The following PTP4A1 variants were observed in gnomAD, a reference collection of about 807,000 sequenced individuals.
The protein encoded by PTP4A1 is protein tyrosine phosphatase 4A1.
PTP4A1 carries 9 observed loss-of-function variants against 20.5 expected under a neutral mutation model. The observed-to-expected ratio is 0.44, with a 90% CI of 0.26 to 0.77. The LOEUF (loss-of-function observed/expected upper bound fraction) is 0.77. PTP4A1 is among the 30% of genes least tolerant of loss of function. The probability of loss-of-function intolerance (pLI) is 0.19; values close to 1 mark genes in which losing one functional copy is unlikely to be tolerated. For synonymous variants in PTP4A1, 78 were observed against 67.4 expected (o/e 1.16, Z -0.77); for missense variants, 137 against 218.8 (o/e 0.63, Z 2.36).
intron 2 of PTP4A1, chr6:63,549,494 CT>C: frequency 1.3e-6 from 1 of 776,558 alleles, no homozygotes; most frequent in Non-Finnish European, 2.2e-6. Context: ...CCTTGGCCTT[CT>C]TTCCTTTCGG....
intron 2 of PTP4A1, among the ~76,000 whole-genome samples, chr6:63,540,316 T>C (rs550162510): frequency 6.6e-6 from 1 of 152,238 alleles, no homozygotes; most frequent in South Asian, 2.1e-4. Flanking sequence ...CAGATGTGTA[T>C]AGAATCATAG....
upstream of PTP4A1, among the ~76,000 whole-genome samples, chr6:63,518,207 T>C (rs1315882295): frequency 6.6e-6 from 1 of 151,870 alleles, no homozygotes; most frequent in Non-Finnish European, 1.5e-5. Flanking sequence ...CCCTTTACTA[T>C]GGAAAATATT....
At chr6:63,528,662 G>A (rs944961304) in intron 2 of PTP4A1, among the ~76,000 whole-genome samples, 1 of 152,126 alleles carries the variant, frequency 6.6e-6, no homozygotes, top group Non-Finnish European at 1.5e-5. Flanking sequence ...TCAGGAGGCT[G>A]AAGTGGGAGG....
intron 2 of PTP4A1, among the ~76,000 whole-genome samples, chr6:63,535,041 C>T (rs886128082): frequency 2.1e-4 from 32 of 151,836 alleles, no homozygotes; most frequent in Middle Eastern, 3.2e-3. Flanking sequence ...GCCTGGGCAA[C>T]AAGAGTGAAA....
rs545527024 is a variant in PTP4A1 at position 63,557,032 on chromosome 6, T to A, written c.-446+6539T>A. The stretch of plus-strand genomic sequence containing the variant: ...AGCATGAAACAATTATAGCATGAAA[T>A]ATGCTAGTTTCTTATTAAATACTTA... On this transcript the variant is annotated intron_variant, in intron 3 of 3. Coordinates refer to the PTP4A1 transcript ENST00000639568. 1.1e-4 allele frequency among the ~76,000 whole-genome samples: 16 copies of A among 152,310 alleles called. No homozygotes were observed. In the South Asian group the frequency reaches 3.3e-3, roughly 32 times the overall value.
In PTP4A1 at chr6:63,581,132, T is replaced by G. The variant is rs773853267; in HGVS notation, c.*958T>G. ...GTGTGTTTACCAACTTATTTTTGTTTGAAAGTGTGATTTTTTTTTTCCTTC... is the reference window on the plus strand; with the variant it reads ...GTGTGTTTACCAACTTATTTTTGTTGGAAAGTGTGATTTTTTTTTTCCTTC... On this transcript the variant is annotated 3_prime_UTR_variant, in exon 6 of 6. Coordinates refer to ENST00000626021, the MANE Select transcript of PTP4A1 (RefSeq NM_003463.5). 2 of 152,306 alleles carry G rather than the reference T, an allele frequency of 1.3e-5. No individual in the cohort carries two copies. Among genetic ancestry groups the G allele is most frequent in the African/African-American group, 2.4e-5 (1 of 41,438 alleles). The allele number at this position is 152,306 out of a possible 1,614,324, so 9.4% of individuals were successfully genotyped here.
chr6:63,536,653 T>A (rs1775740626), intron 2 of PTP4A1, among the ~76,000 whole-genome samples: 1 of 152,232 alleles, frequency 6.6e-6, no homozygotes, highest in Admixed American at 6.5e-5. Context: ...TCGCGATAAC[T>A]GTGTTTTATC....
chr6:63,549,042 A>G (rs1479949291), intron 2 of PTP4A1: 5 of 725,198 alleles, frequency 6.9e-6, no homozygotes, highest in Non-Finnish European at 1.3e-5. Flanking sequence ...GTGTGCAATC[A>G]CCACCGGCTG....
At chr6:63,526,944 T>G (rs918994043) in intron 1 of PTP4A1, among the ~76,000 whole-genome samples, 1 of 151,784 alleles carries the variant, frequency 6.6e-6, no homozygotes, top group Non-Finnish European at 1.5e-5. Context: ...CATGATGTTA[T>G]GCACTTCTTC....
chr6:63,528,014 A>C (rs766480601), exon 2 of PTP4A1: 8 of 152,222 alleles, frequency 5.3e-5, no homozygotes, highest in Non-Finnish European at 1.2e-4. Flanking sequence ...CAGCTCTTGG[A>C]GGCTCTACAT....
At chr6:63,579,144 C>A in intron 4 of PTP4A1, 113 bp from the exon 5 acceptor site, 2 of 1,373,138 alleles carry the variant, frequency 1.5e-6, no homozygotes, top group Non-Finnish European at 2.0e-6. Context: ...ATAGGTATTA[C>A]TTAAATAGGA....
chr6:63,560,880 A>G (rs956854489), intron 3 of PTP4A1, among the ~76,000 whole-genome samples: 3 of 152,200 alleles, frequency 2.0e-5, no homozygotes, highest in Admixed American at 6.5e-5. Context: ...AGTCTGGGGA[A>G]CAACATCTCT....
At chr6:63,539,798 T>C (rs1775877090) in intron 2 of PTP4A1, among the ~76,000 whole-genome samples, 1 of 151,264 alleles carries the variant, frequency 6.6e-6, no homozygotes, top group Admixed American at 6.6e-5. Flanking sequence ...AGGATATGAA[T>C]AGGCAATCTT....
At chr6:63,545,391 C>A (rs1211821619) in intron 2 of PTP4A1, among the ~76,000 whole-genome samples, 1 of 152,124 alleles carries the variant, frequency 6.6e-6, no homozygotes, top group African/African-American at 2.4e-5. Context: ...AGATGGATCA[C>A]CTGAGGTCAG....
intron 1 of PTP4A1, among the ~76,000 whole-genome samples, chr6:63,576,001 A>G (rs1777838076): frequency 6.6e-6 from 1 of 151,768 alleles, no homozygotes; most frequent in Non-Finnish European, 1.5e-5. Flanking sequence ...TGTTTTTGTT[A>G]GTTGGAAAAA....
intron 2 of PTP4A1, among the ~76,000 whole-genome samples, chr6:63,547,308 G>C (rs1776234562): frequency 6.6e-6 from 1 of 150,670 alleles, no homozygotes; most frequent in Non-Finnish European, 1.5e-5. Context: ...TCCTGTCTCA[G>C]CCTCCCGAGT....
intron 2 of PTP4A1, among the ~76,000 whole-genome samples, chr6:63,577,213 A>G (rs1464180840): frequency 1.3e-5 from 2 of 152,164 alleles, no homozygotes; most frequent in Non-Finnish European, 2.9e-5. Context: ...TTGAATTGGT[A>G]TGTGGACAGT....
chr6:63,546,563 G>A (rs957521426), intron 2 of PTP4A1, among the ~76,000 whole-genome samples: 10 of 152,104 alleles, frequency 6.6e-5, no homozygotes, highest in Non-Finnish European at 1.2e-4. Context: ...AAAATTAGCC[G>A]AGCATGGTGG....
intron 3 of PTP4A1, among the ~76,000 whole-genome samples, chr6:63,562,121 T>C (rs1776986615): frequency 6.8e-6 from 1 of 146,206 alleles, no homozygotes; most frequent in South Asian, 2.1e-4. Context: ...AGTTTATTTC[T>C]TTCTATTTTT....
Sources: allele counts gnomAD v4.1 joint callset (sites outside exome capture counted in the v4.1 genomes callset), GRCh38; gene constraint gnomAD v4.1.1; transcripts MANE v1.5; gene names NCBI Gene and HGNC (gene_info 2026-07-23, HGNC 2026-07-21).